ARHGEF11: variants seen among roughly 807,000 people sequenced by gnomAD.
ARHGEF11 encodes Rho guanine exchange factor (GEF) 11.
In ARHGEF11, 55 loss-of-function variants were observed where a neutral mutation model predicts 193.7. The observed-to-expected ratio is 0.28, with a 90% CI of 0.23 to 0.36. The LOEUF (loss-of-function observed/expected upper bound fraction) is 0.36, where lower values mean the gene tolerates loss of function less well. ARHGEF11 is among the 10% of genes least tolerant of loss of function. The pLI is 1.00. For synonymous variants in ARHGEF11, 693 were observed against 768.0 expected, an observed-to-expected ratio of 0.90 and a Z score of 1.62; for missense variants, 1,723 against 2,005.6, an observed-to-expected ratio of 0.86 and a Z score of 2.69.
At chr1:156,988,966 G>A (rs573894942) in intron 1 of ARHGEF11, among the ~76,000 whole-genome samples, 2 of 152,232 alleles carry the variant, frequency 1.3e-5, no homozygotes, top group African/African-American at 4.8e-5. Flanking sequence ...ACCTTGGAAG[G>A]TTAAAAATCT....
chr1:156,944,930 C>G, intron 30 of ARHGEF11, 89 bp downstream of exon 30: 1 of 1,505,296 alleles, frequency 6.6e-7, no homozygotes. Flanking sequence ...TCTCCTACCT[C>G]TAAGACTCTC....
At chr1:156,982,243 T>C (rs1295817571) in intron 3 of ARHGEF11, among the ~76,000 whole-genome samples, 1 of 152,086 alleles carries the variant, frequency 6.6e-6, no homozygotes, top group African/African-American at 2.4e-5. Flanking sequence ...TGAGCAGAAA[T>C]TCTCAGACTT....
intron 40 of ARHGEF11, among the ~76,000 whole-genome samples, chr1:156,936,473 AT>A (rs1655153080): frequency 9.4e-6 from 1 of 106,682 alleles, no homozygotes; most frequent in Non-Finnish European, 1.8e-5. Context: ...CTTGTCTCAA[AT>A]AAATAGAAAA....
chr1:156,968,264 T>C, intron 10 of ARHGEF11, 140 bp from the exon 11 acceptor site: 2 of 899,746 alleles, frequency 2.2e-6, no homozygotes, highest in Non-Finnish European at 3.3e-6. Context: ...CCTGGTATTA[T>C]ACTAAGCCCT....
intron 1 of ARHGEF11, among the ~76,000 whole-genome samples, chr1:157,041,650 GT>G (rs1672765758): frequency 6.6e-6 from 1 of 152,128 alleles, no homozygotes; most frequent in African/African-American, 2.4e-5. Context: ...GAAATAATTT[GT>G]ACTTGCTGAT....
At chr1:156,998,557 T>C (rs561066702) in intron 1 of ARHGEF11, among the ~76,000 whole-genome samples, 1 of 152,286 alleles carries the variant, frequency 6.6e-6, no homozygotes, top group South Asian at 2.1e-4. Flanking sequence ...TTTTAAGAAT[T>C]GGTGTAATGT....
chr1:156,962,297 A>C (rs573060895), intron 13 of ARHGEF11, among the ~76,000 whole-genome samples: 58 of 152,246 alleles, frequency 3.8e-4, no homozygotes, highest in African/African-American at 1.3e-3. Flanking sequence ...TATCCCCAGA[A>C]AGACAAAACA....
Position 156,940,208 on chromosome 1 carries a change from A to T in ARHGEF11, c.3732T>A (p.Asp1244Glu). The change falls in exon 36 of 41, where the codon GAT becomes GAA. Residue 1244 changes from aspartate to glutamate, a missense_variant and splice_region_variant. This residue lies in a region of ARHGEF11 where 203 missense variants were observed against 237.3 expected (regional missense o/e 0.86). Transcript: ENST00000368194. ...ACGGCAGGGCCTTGAAGCACTCACC[A>T]TCTTCCAGAGCGGAGTCAGCGAGCC... ...MEGLADSALE[D>E]VENLRHLILW... 1 of 1,575,548 alleles carries T rather than the reference A, an allele frequency of 6.3e-7. No individual in the cohort carries two copies. Among genetic ancestry groups the T allele is most frequent in the Non-Finnish European group, 8.6e-7 (1 of 1,157,452 alleles).
intron 1 of ARHGEF11, among the ~76,000 whole-genome samples, chr1:157,022,872 T>C (rs1670161358): frequency 6.6e-6 from 1 of 152,182 alleles, no homozygotes; most frequent in Non-Finnish European, 1.5e-5. Flanking sequence ...CACTGATTTT[T>C]AACAAAGGTG....
chr1:157,043,855 C>T (rs1329918439), intron 1 of ARHGEF11, among the ~76,000 whole-genome samples: 1 of 152,192 alleles, frequency 6.6e-6, no homozygotes, highest in Non-Finnish European at 1.5e-5. Context: ...CAAGCCCCAC[C>T]ATTCCATACC....
intron 1 of ARHGEF11, among the ~76,000 whole-genome samples, chr1:157,042,305 G>C (rs1448306841): frequency 6.6e-6 from 1 of 152,194 alleles, no homozygotes; most frequent in Non-Finnish European, 1.5e-5. Context: ...AAGTAGAAGG[G>C]AAGACCTTGA....
chr1:156,941,906 G>T lies in ARHGEF11; in HGVS notation c.3410C>A (p.Pro1137Gln), dbSNP rs762551771. 1 of 1,613,850 alleles carries T rather than the reference G, an allele frequency of 6.2e-7. No homozygotes were observed. Among genetic ancestry groups the T allele is most frequent in the South Asian group, 1.1e-5 (1 of 91,060 alleles). The change falls in exon 34 of 41, where the codon CCA (proline) becomes CAA (glutamine). Residue 1137 changes from proline to glutamine, a missense_variant. Transcript: ENST00000368194. ...AAPMPVHPPP[P>Q]GPREPAQQGP... ...CTGCTGGGCTGGCTCCCGGGGACCT[G>T]GGGGTGGAGGATGGACGGGCATTGG...
chr1:157,014,130 C>T (rs1040943314), intron 1 of ARHGEF11, among the ~76,000 whole-genome samples: 5 of 152,190 alleles, frequency 3.3e-5, no homozygotes, highest in Non-Finnish European at 7.3e-5. Flanking sequence ...CACCACAACG[C>T]TAAAACTTTA....
At position 156,943,925 on chromosome 1, in the gene ARHGEF11, C is replaced by T. The variant is rs765519571; in HGVS notation, c.3235+10G>A. Reference sequence around the variant, plus strand: ...AGCCCCAGGCCAGCCTGGACCATCTCCCCAGGTACCTGTGGCCACAGAGCG... The same window carrying T: ...AGCCCCAGGCCAGCCTGGACCATCTTCCCAGGTACCTGTGGCCACAGAGCG... On this transcript the variant is annotated intron_variant, in intron 32 of 40. Transcript: ENST00000368194. 1.9e-6 allele frequency: 3 copies of T among 1,608,024 alleles called. No individual in the cohort carries two copies. The highest frequency in any genetic ancestry group is 1.7e-6 in the Non-Finnish European group (2 of 1,176,098).
intron 1 of ARHGEF11, among the ~76,000 whole-genome samples, chr1:157,023,578 C>T (rs1670255997): frequency 6.6e-6 from 1 of 152,214 alleles, no homozygotes; most frequent in Non-Finnish European, 1.5e-5. Context: ...TCAGCCTGGC[C>T]AACATGGTGA....
intron 1 of ARHGEF11, among the ~76,000 whole-genome samples, chr1:156,987,120 A>G (rs1024499428): frequency 6.6e-6 from 1 of 152,228 alleles, no homozygotes; most frequent in Non-Finnish European, 1.5e-5. Flanking sequence ...CCTTTTTGGA[A>G]AAGTGTACAA....
intron 30 of ARHGEF11, among the ~76,000 whole-genome samples, chr1:156,944,796 G>A (rs1657812186): frequency 1.3e-5 from 2 of 152,180 alleles, no homozygotes; most frequent in African/African-American, 2.4e-5. Flanking sequence ...TGCTCTCTCA[G>A]GCTGAGTTCC....
In ARHGEF11 at chr1:156,978,190, A is replaced by C; in HGVS notation, c.510+14T>G. On this transcript the variant is annotated intron_variant, in intron 6 of 40. Coordinates refer to ENST00000368194, the MANE Select transcript of ARHGEF11 (RefSeq NM_198236.3). ...GACATTAGGGTGAGGAAAGAAAGCC[A>C]GGAGGATTATTACCTGCAGAGGTTT... is the stretch of plus-strand genomic sequence containing the variant. 6.2e-7 allele frequency: 1 copy of C among 1,614,172 alleles called. No individual in the cohort carries two copies. Among genetic ancestry groups the C allele is most frequent in the Non-Finnish European group, 8.5e-7 (1 of 1,180,012 alleles).
Position 156,948,956 on chromosome 1 carries a change from T to G in ARHGEF11, c.1926-458A>C, listed in dbSNP as rs936444886. 4 of 985,286 alleles carry G rather than the reference T, an allele frequency of 4.1e-6. No individual in the cohort carries two copies. The African/African-American group carries it at 7.0e-5, about 17-fold the overall frequency. 61.0% of individuals were successfully genotyped at this position (985,286 alleles called of 1,614,324 possible). ...GAACGGGTCAGCTCCCACCTTTAAC[T>G]CTGCCTGAGGCGAACCTCTTTTAAG... On this transcript the variant is annotated intron_variant, in intron 22 of 40. Transcript: ENST00000368194. This position sits in a 1 kb window ranked among gnomAD's most constrained non-coding sequence, Gnocchi z 4.2.
Sources: allele counts gnomAD v4.1 joint callset (sites outside exome capture counted in the v4.1 genomes callset), GRCh38; gene constraint gnomAD v4.1.1; regional missense constraint gnomAD v4.1.1; non-coding constraint Gnocchi (gnomAD v3.1); transcripts MANE v1.5; gene names NCBI Gene and HGNC (gene_info 2026-07-23, HGNC 2026-07-21).